The following TEX15 variants were observed in gnomAD, a reference collection of about 807,000 sequenced individuals.
TEX15 encodes the protein testis-expressed protein 15.
Under a neutral mutation model 237.3 loss-of-function variants are expected in TEX15, and 171 were observed. The observed-to-expected ratio is 0.72, with a 90% CI of 0.64 to 0.82. The LOEUF is 0.82. TEX15 is among the 40% of genes least tolerant of loss of function. TEX15 has a pLI of 0.00. For missense variants in TEX15, 3,750 were observed against 3,646.5 expected (o/e 1.03, Z -0.73); for synonymous variants, 1,338 against 1,269.8 (o/e 1.05, Z -1.14).
At chr8:30,856,898 G>C (rs1807923714) in intron 7 of TEX15, among the ~76,000 whole-genome samples, 7 of 151,832 alleles carry the variant, frequency 4.6e-5, no homozygotes, top group Admixed American at 4.6e-4. Context: ...AATTCTGATA[G>C]ATTTGTTGGC....
chr8:30,860,821 G>A (rs1270664034), intron 5 of TEX15, among the ~76,000 whole-genome samples: 1 of 151,906 alleles, frequency 6.6e-6, no homozygotes, highest in Non-Finnish European at 1.5e-5. Context: ...AAAGCGTTGG[G>A]ATTACAGGCG....
In TEX15 at chr8:30,845,028, T is replaced by C. The variant is rs1563236583; in HGVS notation, c.5139A>G (p.Lys1713=). 6.2e-7 allele frequency: 1 copy of C among 1,613,664 alleles called. No homozygotes were observed. The highest frequency in any genetic ancestry group is 1.1e-5 in the South Asian group (1 of 91,080). ...GPLNLTLIAS[K]KYSIPQLSAA... Reference sequence around the variant, plus strand: ...CTGATAACTGAGGAATACTGTACTTTTTACTTGCTATCAAAGTTAGGTTTA... The same window carrying C: ...CTGATAACTGAGGAATACTGTACTTCTTACTTGCTATCAAAGTTAGGTTTA... The change falls in exon 8 of 11, where the codon AAA becomes AAG. Residue 1713 remains lysine, a synonymous_variant. Coordinates refer to ENST00000643185, the MANE Select transcript of TEX15 (RefSeq NM_001350162.2).
Position 30,909,158 on chromosome 8 carries a change from T to TG in TEX15, c.-86+3720_-86+3721insC, listed in dbSNP as rs2128780448. On this transcript the variant is annotated intron_variant, in intron 1 of 10. Transcript: ENST00000643185. ...ACAAACTAGATACTCAAATCAGTTA[T>TG]TTTATTAATCATTATCCTAAAAAAT... Among the ~76,000 whole-genome samples the TG allele has an allele frequency of 1.3e-5, 2 of 152,088 alleles. 1 individual carries two copies. Among genetic ancestry groups the TG allele is most frequent in the African/African-American group, 4.8e-5 (2 of 41,396 alleles).
At chr8:30,899,527 T>C (rs1424004752) in intron 1 of TEX15, among the ~76,000 whole-genome samples, 1 of 152,206 alleles carries the variant, frequency 6.6e-6, no homozygotes, top group Non-Finnish European at 1.5e-5. Flanking sequence ...CACGGCTCAC[T>C]GCAACCTCCG....
chr8:30,839,967 G>C lies in TEX15; in HGVS notation c.8164-3C>G, dbSNP rs751488919. The C allele has an allele frequency of 6.4e-7, 1 of 1,570,138 alleles. No homozygotes were observed. Among genetic ancestry groups the C allele is most frequent in the Non-Finnish European group, 8.6e-7 (1 of 1,157,710 alleles). ...TTTGTGACATCTTTCATGTCTACCT[G>C]TGTTTAAAAGATACAAAGAAAATCT... On this transcript the variant is annotated splice_polypyrimidine_tract_variant and splice_region_variant and intron_variant, in intron 8 of 10. Transcript: ENST00000643185.
At chr8:30,834,116 C>A (rs1807240314) in intron 10 of TEX15, among the ~76,000 whole-genome samples, 1 of 152,026 alleles carries the variant, frequency 6.6e-6, no homozygotes, top group African/African-American at 2.4e-5. Flanking sequence ...GCAATGATAC[C>A]AAATTAATAA....
intron 9 of TEX15, among the ~76,000 whole-genome samples, chr8:30,838,760 G>GTA (rs1338577919): frequency 2.9e-5 from 3 of 103,370 alleles, no homozygotes; most frequent in Non-Finnish European, 6.2e-5. Flanking sequence ...GTGTATGTGT[G>GTA]TATATATAAA....
intron 2 of TEX15, among the ~76,000 whole-genome samples, chr8:30,894,843 G>A (rs1808863169): frequency 6.6e-6 from 1 of 152,222 alleles, no homozygotes; most frequent in Non-Finnish European, 1.5e-5. Flanking sequence ...GAAAGGTGGT[G>A]CCTTCATGAA....
rs556866592 is a variant in TEX15, at chr8:30,879,127, CT to C, written c.137-4026del. Among the ~76,000 whole-genome samples the C allele has an allele frequency of 1.7e-3, 242 of 145,586 alleles. 1 individual carries two copies. Among genetic ancestry groups the C allele is most frequent in the African/African-American group, 2.8e-3 (111 of 40,028 alleles). On this transcript the variant is annotated intron_variant, in intron 3 of 10. Coordinates refer to ENST00000643185, the MANE Select transcript of TEX15 (RefSeq NM_001350162.2). ...TTTTCTTGTTTTCTAACTGGATTGC[CT>C]TTTTTTTTTTACCTACTGAACTTTG...
At chr8:30,888,142 T>C (rs564078694) in intron 2 of TEX15, among the ~76,000 whole-genome samples, 1 of 151,844 alleles carries the variant, frequency 6.6e-6, no homozygotes, top group Non-Finnish European at 1.5e-5. Flanking sequence ...TTTGAACACC[T>C]GGGCTCAAGT....
chr8:30,897,258 T>C (rs781695097), intron 2 of TEX15, among the ~76,000 whole-genome samples: 7 of 152,176 alleles, frequency 4.6e-5, no homozygotes, highest in Non-Finnish European at 1.0e-4. Flanking sequence ...CTGTAAAATA[T>C]TTTGCCTCCT....
chr8:30,859,482 A>G (rs1807992496), intron 6 of TEX15, among the ~76,000 whole-genome samples: 1 of 152,094 alleles, frequency 6.6e-6, no homozygotes, highest in African/African-American at 2.4e-5. Flanking sequence ...GTTTTGATAT[A>G]TGTATACAAT....
In TEX15 at chr8:30,846,071, C is replaced by T. The variant is rs1025120020; in HGVS notation, c.4096G>A (p.Asp1366Asn). The T allele has an allele frequency of 3.1e-6, 5 of 1,613,258 alleles. No homozygotes were observed. In the African/African-American group the frequency reaches 6.7e-5, roughly 22 times the overall value. ...HIKSVLNILS[D>N]EASLCKSKCL... ...TTGCTTTTACATAAAGATGCTTCATCACTTAGGATATTTAGGACACTCTTA... is the reference window on the plus strand; with the variant it reads ...TTGCTTTTACATAAAGATGCTTCATTACTTAGGATATTTAGGACACTCTTA... The change falls in exon 8 of 11, where the codon GAT becomes AAT. Residue 1366 changes from aspartate (D) to asparagine (N), a missense_variant. Transcript: ENST00000643185.
At chr8:30,867,908 T>C (rs1212928272) in intron 4 of TEX15, among the ~76,000 whole-genome samples, 1 of 152,048 alleles carries the variant, frequency 6.6e-6, no homozygotes, top group African/African-American at 2.4e-5. Context: ...AGTAGGAAAA[T>C]GACAGAGTTG....
chr8:30,901,813 C>T (rs2128779233), intron 1 of TEX15, among the ~76,000 whole-genome samples: 2 of 152,252 alleles, frequency 1.3e-5, no homozygotes, highest in Middle Eastern at 3.4e-3. Flanking sequence ...ATCTTAACTT[C>T]TGGAATATGG....
At chr8:30,851,148 C>T (rs541423547) in intron 7 of TEX15, among the ~76,000 whole-genome samples, 5 of 150,740 alleles carry the variant, frequency 3.3e-5, no homozygotes, top group African/African-American at 1.2e-4. Context: ...GTATAAATAC[C>T]CAAAGTTCTA....
rs373830063 is a variant in TEX15 at position 30,837,705 on chromosome 8, A to G, written c.8579T>C (p.Leu2860Ser). ...GTFSPDHGTL[L>S]QKFLKNSPDP... is the part of the protein sequence containing the mutation. ...TGGGGAATTTTTAAGAAATTTCTGC[A>G]AAAGCGTCCCATGGTCTGGTGAAAA... Residue 2860 changes from leucine to serine, a missense_variant, in exon 10 of 11, where the codon TTG (leucine) becomes TCG (serine). Coordinates refer to ENST00000643185, the MANE Select transcript of TEX15 (RefSeq NM_001350162.2). The G allele has an allele frequency of 3.2e-5, 52 of 1,613,856 alleles. No individual in the cohort carries two copies. The African/African-American group carries it at 6.4e-4, about 20-fold the overall frequency.
At chr8:30,894,402 C>T (rs866801598) in intron 2 of TEX15, among the ~76,000 whole-genome samples, 2 of 152,136 alleles carry the variant, frequency 1.3e-5, no homozygotes, top group Non-Finnish European at 2.9e-5. Flanking sequence ...TGTGTGTTAT[C>T]GTTTGTTTAT....
In TEX15 at chr8:30,847,993, G is replaced by C; in HGVS notation, c.2174C>G (p.Pro725Arg). 6.2e-7 allele frequency: 1 copy of C among 1,613,964 alleles called. No homozygotes were observed. Among genetic ancestry groups the C allele is most frequent in the East Asian group, 2.2e-5 (1 of 44,864 alleles). ...ACCCTCATACTCCACAGAGTGCTGA[G>C]GATGCTTTTGTGACAGGCTCTCAAA... ...PSFESLSQKH[P>R]QHSVEYEGNI... is the part of the protein sequence containing the mutation. Residue 725 changes from proline (P) to arginine (R), a missense_variant, in exon 8 of 11, where the codon CCT becomes CGT. Transcript: ENST00000643185.
Sources: allele counts gnomAD v4.1 joint callset (sites outside exome capture counted in the v4.1 genomes callset), GRCh38; gene constraint gnomAD v4.1.1; transcripts MANE v1.5; gene names NCBI Gene and HGNC (gene_info 2026-07-23, HGNC 2026-07-21).